The following NAA35 variants were observed in gnomAD, a reference collection of about 807,000 sequenced individuals.
NAA35 encodes the protein N-alpha-acetyltransferase 35, NatC auxiliary subunit.
Under a neutral mutation model 101.7 loss-of-function variants are expected in NAA35, and 18 were observed. The observed-to-expected ratio is 0.18, with a 90% CI of 0.12 to 0.26. The LOEUF is 0.26. Ranked by LOEUF, NAA35 falls within the 10% of genes least tolerant of loss-of-function variation. NAA35 has a pLI of 1.00. For synonymous variants in NAA35, 267 were observed against 273.1 expected, an observed-to-expected ratio of 0.98 and a Z score of 0.22; for missense variants, 601 against 886.8, an observed-to-expected ratio of 0.68 and a Z score of 4.09.
chr9:85,975,035 TA>T lies in NAA35; in HGVS notation c.583+6del. 1 of 1,612,670 alleles carries T rather than the reference TA, an allele frequency of 6.2e-7. No homozygotes were observed. On this transcript the variant is annotated splice_donor_region_variant and intron_variant, in intron 7 of 22. Coordinates refer to ENST00000361671, the MANE Select transcript of NAA35 (RefSeq NM_024635.4). ...GTGTGACAGATCTTCGAGTTACAGGTAAAATTATTTTTAAAGTTAATTCACA... is the reference window on the plus strand; with the variant it reads ...GTGTGACAGATCTTCGAGTTACAGGTAAATTATTTTTAAAGTTAATTCACA...
intron 2 of NAA35, among the ~76,000 whole-genome samples, chr9:85,953,014 A>C (rs1204166113): frequency 6.6e-6 from 1 of 152,146 alleles, no homozygotes; most frequent in Non-Finnish European, 1.5e-5. Flanking sequence ...GTTTGAGAAC[A>C]ACCCAAGCAA....
chr9:86,007,531 T>A, intron 14 of NAA35, 67 bp downstream of exon 14: 1 of 1,129,248 alleles, frequency 8.9e-7, no homozygotes, highest in Non-Finnish European at 1.3e-6. Context: ...TTCTCTGTAC[T>A]CCTTCTTTAT....
chr9:85,941,457 G>A, intron 1 of NAA35, 184 bp downstream of exon 1: 6 of 985,524 alleles, frequency 6.1e-6, no homozygotes, highest in Non-Finnish European at 6.0e-6. Context: ...CCCCACTCTT[G>A]CCCGGTGTTG....
chr9:85,964,128 CTTTT>C (rs61142742), intron 6 of NAA35, among the ~76,000 whole-genome samples: 13 of 123,946 alleles, frequency 1.0e-4, no homozygotes, highest in African/African-American at 3.6e-4. Flanking sequence ...ACTTCTTAGT[CTTTT>C]TTTTTTTTTT....
chr9:85,942,802 C>T (rs1375121582), intron 2 of NAA35, among the ~76,000 whole-genome samples: 1 of 152,220 alleles, frequency 6.6e-6, no homozygotes, highest in Non-Finnish European at 1.5e-5. Flanking sequence ...TCGTAATACA[C>T]ACCAAGGTGG....
At chr9:85,970,258 A>G (rs1007529018) in intron 6 of NAA35, among the ~76,000 whole-genome samples, 1 of 152,234 alleles carries the variant, frequency 6.6e-6, no homozygotes, top group Non-Finnish European at 1.5e-5. Flanking sequence ...TATTTAATTC[A>G]GTATATCTAA....
At chr9:85,972,854 A>C (rs1317666073) in intron 6 of NAA35, among the ~76,000 whole-genome samples, 1 of 152,218 alleles carries the variant, frequency 6.6e-6, no homozygotes, top group Non-Finnish European at 1.5e-5. Flanking sequence ...CTATAGGTGA[A>C]GTAGTAAATA....
At chr9:86,015,676 T>C (rs1325172719) in intron 17 of NAA35, 1 of 874,624 alleles carries the variant, frequency 1.1e-6, no homozygotes, top group East Asian at 1.2e-4. Flanking sequence ...TAGACATAAA[T>C]GTATATTAAT....
chr9:85,961,879 G>A (rs1244901835), intron 5 of NAA35, 134 bp from the exon 6 acceptor site: 6 of 580,670 alleles, frequency 1.0e-5, no homozygotes, highest in Non-Finnish European at 1.7e-5. Flanking sequence ...GAATTCTAAC[G>A]TGTCTTTTTT....
intron 6 of NAA35, among the ~76,000 whole-genome samples, chr9:85,972,831 A>C (rs1380784486): frequency 7.2e-5 from 11 of 152,224 alleles, no homozygotes; most frequent in Non-Finnish European, 1.5e-4. Flanking sequence ...TCTGTTTAGC[A>C]CTATTCTAAG....
chr9:85,943,207 G>A (rs1026515543), intron 2 of NAA35, among the ~76,000 whole-genome samples: 1 of 152,082 alleles, frequency 6.6e-6, no homozygotes, highest in Non-Finnish European at 1.5e-5. Flanking sequence ...GAAGATAAGA[G>A]AAAGGAACAA....
chr9:85,975,722 G>C (rs901093165), intron 8 of NAA35, among the ~76,000 whole-genome samples: 3 of 152,042 alleles, frequency 2.0e-5, no homozygotes, highest in African/African-American at 7.2e-5. Flanking sequence ...TCAACTTTTT[G>C]CCAGTGTTTT....
chr9:85,962,740 T>G (rs1358185625), intron 6 of NAA35, among the ~76,000 whole-genome samples: 1 of 152,196 alleles, frequency 6.6e-6, no homozygotes, highest in Non-Finnish European at 1.5e-5. Context: ...TATCCGTATG[T>G]GCAGAGTGCT....
chr9:85,987,488 G>A (rs1830702112), intron 11 of NAA35, among the ~76,000 whole-genome samples: 1 of 152,180 alleles, frequency 6.6e-6, no homozygotes, highest in African/African-American at 2.4e-5. Context: ...CCGTTAGAGA[G>A]TACTAGGCCA....
chr9:85,944,763 T>C (rs1235843144), intron 2 of NAA35, among the ~76,000 whole-genome samples: 6 of 152,254 alleles, frequency 3.9e-5, no homozygotes, highest in Admixed American at 3.3e-4. Flanking sequence ...GGAACACTTA[T>C]GTTTCATTTA....
intron 5 of NAA35, among the ~76,000 whole-genome samples, chr9:85,961,713 T>C (rs1420981718): frequency 6.6e-6 from 1 of 152,184 alleles, no homozygotes; most frequent in Non-Finnish European, 1.5e-5. Context: ...TTTTCCAGTT[T>C]ATGGATTTTT....
intron 2 of NAA35, among the ~76,000 whole-genome samples, chr9:85,951,510 C>T (rs1195192256): frequency 2.0e-5 from 3 of 152,174 alleles, no homozygotes; most frequent in Non-Finnish European, 4.4e-5. Flanking sequence ...TGGTAATGGA[C>T]TCTTTATGCT....
intron 2 of NAA35, among the ~76,000 whole-genome samples, chr9:85,950,348 C>G (rs563498896): frequency 6.6e-6 from 1 of 152,310 alleles, no homozygotes; most frequent in East Asian, 1.9e-4. Context: ...TGGGTCCAAG[C>G]AACTCTCATG....
intron 14 of NAA35, among the ~76,000 whole-genome samples, 186 bp downstream of exon 14, chr9:86,007,650 G>A (rs1831707650): frequency 6.6e-6 from 1 of 152,080 alleles, no homozygotes; most frequent in Non-Finnish European, 1.5e-5. Context: ...GTTTTTATGA[G>A]GTTGACAAAA....
Sources: gnomAD v4.1 joint callset for allele counts (sites outside exome capture counted in the v4.1 genomes callset) on GRCh38, gnomAD v4.1.1 for gene constraint, MANE v1.5 for transcripts, NCBI Gene and HGNC (gene_info 2026-07-23, HGNC 2026-07-21) for gene names.